XYLT1: variants seen among roughly 807,000 people sequenced by gnomAD.
XYLT1 encodes beta-D-xylosyltransferase 1.
In XYLT1, 36 loss-of-function variants were observed where a neutral mutation model predicts 91.3. The observed-to-expected ratio is 0.39, with a 90% CI of 0.30 to 0.52. The LOEUF (loss-of-function observed/expected upper bound fraction) is 0.52. Ranked by LOEUF, XYLT1 falls within the 20% of genes least tolerant of loss-of-function variation. The pLI is 0.68. For missense variants in XYLT1, 1,242 were observed against 1,284.5 expected, an observed-to-expected ratio of 0.97 and a Z score of 0.51; for synonymous variants, 588 against 532.0, an observed-to-expected ratio of 1.11 and a Z score of -1.45.
intron 1 of XYLT1, among the ~76,000 whole-genome samples, chr16:17,414,977 G>C (rs925048471): frequency 5.3e-5 from 8 of 152,168 alleles, no homozygotes; most frequent in Non-Finnish European, 1.0e-4. Flanking sequence ...CCCCCGCAGA[G>C]AAAAACGATC....
chr16:17,330,082 A>G (rs1345529453), intron 2 of XYLT1, among the ~76,000 whole-genome samples: 1 of 137,590 alleles, frequency 7.3e-6, no homozygotes, highest in African/African-American at 2.8e-5. Flanking sequence ...ACAAATCTAT[A>G]TGCACCACAT....
At chr16:17,206,100 C>T (rs2032638655) in intron 3 of XYLT1, among the ~76,000 whole-genome samples, 1 of 152,118 alleles carries the variant, frequency 6.6e-6, no homozygotes, top group Non-Finnish European at 1.5e-5. Context: ...AGACACCGCC[C>T]CTCTCTGATT....
intron 2 of XYLT1, among the ~76,000 whole-genome samples, chr16:17,349,574 G>A (rs968224073): frequency 6.6e-6 from 1 of 151,752 alleles, no homozygotes; most frequent in African/African-American, 2.4e-5. Context: ...ATATATGAAA[G>A]CTAAACTGCT....
intron 10 of XYLT1, among the ~76,000 whole-genome samples, chr16:17,126,445 C>T (rs1423466826): frequency 3.9e-5 from 6 of 152,236 alleles, no homozygotes; most frequent in East Asian, 1.9e-4. Flanking sequence ...TGGCTGCTCA[C>T]ATCCAGCAAA....
At chr16:17,283,786 A>G (rs1401929276) in intron 2 of XYLT1, among the ~76,000 whole-genome samples, 5 of 152,186 alleles carry the variant, frequency 3.3e-5, no homozygotes, top group African/African-American at 1.2e-4. Flanking sequence ...ATCCAGCCCC[A>G]TCACTATTAT....
At chr16:17,197,918 T>A in intron 5 of XYLT1, 5 of 453,332 alleles carry the variant, frequency 1.1e-5, no homozygotes, top group South Asian at 5.6e-5. Context: ...CTGTTAGTTC[T>A]GTCCCTCTAG....
chr16:17,335,325 G>A (rs1328236096), intron 2 of XYLT1, among the ~76,000 whole-genome samples: 4 of 151,916 alleles, frequency 2.6e-5, no homozygotes, highest in Non-Finnish European at 4.4e-5. Flanking sequence ...TGAGAAAACC[G>A]AGATCAGAAA....
intron 1 of XYLT1, among the ~76,000 whole-genome samples, chr16:17,404,180 C>G (rs923520949): frequency 7.2e-5 from 11 of 152,146 alleles, no homozygotes; most frequent in Non-Finnish European, 1.3e-4. Context: ...GTCGGATACT[C>G]CTCCCCCATC....
chr16:17,368,560 TAGA>T lies in XYLT1; in HGVS notation c.364-10513_364-10511del, dbSNP rs66780884. On this transcript the variant is annotated intron_variant, in intron 1 of 11. Coordinates refer to ENST00000261381, the MANE Select transcript of XYLT1 (RefSeq NM_022166.4). ...CAGAAGGCCATAAAGACTGGATAGA[TAGA>T]TTTTTTTTTTTTTTTTGGTTTTTAC... Among the ~76,000 whole-genome samples the T allele has an allele frequency of 5.3e-3, 750 of 141,604 alleles. 19 individuals are homozygous for T. The highest frequency in any genetic ancestry group is 9.2e-3 in the African/African-American group (329 of 35,826). 92.9% of individuals were successfully genotyped at this position (141,604 alleles called of 152,430 possible).
At chr16:17,363,344 C>T (rs1021554630) in intron 1 of XYLT1, among the ~76,000 whole-genome samples, 1 of 152,196 alleles carries the variant, frequency 6.6e-6, no homozygotes, top group Non-Finnish European at 1.5e-5. Context: ...TAATAATACA[C>T]AGGTGAGGTG....
chr16:17,388,656 CGGAGGGTGCTTTACCATAAGATCTTAA>C (rs1426454119), intron 1 of XYLT1, among the ~76,000 whole-genome samples: 2 of 152,168 alleles, frequency 1.3e-5, no homozygotes, highest in African/African-American at 4.8e-5. Context: ...AATCACACTA[CGGAGGGTGCTTTACCATAAGATCTTAA>C]GGATCCTGAA....
At chr16:17,249,248 C>T (rs193179219) in intron 3 of XYLT1, among the ~76,000 whole-genome samples, 3 of 152,286 alleles carry the variant, frequency 2.0e-5, no homozygotes, top group Non-Finnish European at 2.9e-5. Flanking sequence ...ATGCCATGCT[C>T]AGAATACCAC....
At chr16:17,220,850 C>T (rs1325899455) in intron 3 of XYLT1, among the ~76,000 whole-genome samples, 1 of 152,228 alleles carries the variant, frequency 6.6e-6, no homozygotes. Context: ...CCAACTATGA[C>T]TGAGATCTCA....
intron 1 of XYLT1, among the ~76,000 whole-genome samples, chr16:17,410,528 C>G (rs1444853359): frequency 1.3e-5 from 2 of 152,120 alleles, no homozygotes; most frequent in Non-Finnish European, 2.9e-5. Context: ...AAAGACTCAC[C>G]CCCATGATTA....
chr16:17,228,361 C>T (rs544615943), intron 3 of XYLT1, among the ~76,000 whole-genome samples: 23 of 152,322 alleles, frequency 1.5e-4, no homozygotes, highest in African/African-American at 5.5e-4. Flanking sequence ...TTAGGTGATG[C>T]AGGAAGCTAT....
chr16:17,238,826 G>T (rs1474756629), intron 3 of XYLT1, among the ~76,000 whole-genome samples: 1 of 152,174 alleles, frequency 6.6e-6, no homozygotes, highest in African/African-American at 2.4e-5. Flanking sequence ...ATCCTTTTCA[G>T]TTTCTCCCAC....
At chr16:17,316,903 G>A (rs1379725245) in intron 2 of XYLT1, among the ~76,000 whole-genome samples, 4 of 150,994 alleles carry the variant, frequency 2.6e-5, no homozygotes, top group Non-Finnish European at 4.4e-5. Context: ...CTCACTGCAG[G>A]CTCCGTCACC....
intron 3 of XYLT1, among the ~76,000 whole-genome samples, chr16:17,240,435 A>G (rs930652173): frequency 1.3e-5 from 2 of 152,140 alleles, no homozygotes; most frequent in Non-Finnish European, 2.9e-5. Flanking sequence ...CAGAATGAAG[A>G]TTCACTTGGG....
chr16:17,327,720 A>G (rs890804465), intron 2 of XYLT1, among the ~76,000 whole-genome samples: 3 of 150,566 alleles, frequency 2.0e-5, no homozygotes, highest in African/African-American at 4.9e-5. Flanking sequence ...ATCAGCTTCT[A>G]TTTTATAACT....
Sources: allele counts gnomAD v4.1 joint callset (sites outside exome capture counted in the v4.1 genomes callset), GRCh38; gene constraint gnomAD v4.1.1; transcripts MANE v1.5; gene names NCBI Gene and HGNC (gene_info 2026-07-23, HGNC 2026-07-21).